Variants in PLD5 observed in about 807,000 individuals in gnomAD.
PLD5 encodes phospholipase D family member 5.
A neutral mutation model predicts 61.1 loss-of-function variants in PLD5; 36 were observed. The observed-to-expected ratio is 0.59, with a 90% CI of 0.45 to 0.78. The LOEUF (loss-of-function observed/expected upper bound fraction) is 0.78. Among genes scored for constraint, PLD5 ranks in the 30% least tolerant of loss-of-function variants. PLD5 has a pLI of 0.00. For missense variants in PLD5, 515 were observed against 644.4 expected, an observed-to-expected ratio of 0.80 and a Z score of 2.17; for synonymous variants, 243 against 242.8, an observed-to-expected ratio of 1.00 and a Z score of -0.01.
intron 1 of PLD5, among the ~76,000 whole-genome samples, chr1:242,480,635 A>G (rs1157224789): frequency 6.6e-6 from 1 of 152,216 alleles, no homozygotes; most frequent in Non-Finnish European, 1.5e-5. Flanking sequence ...ATGTAGAAAG[A>G]TCTCTTAATA....
intron 1 of PLD5, among the ~76,000 whole-genome samples, chr1:242,397,285 G>A (rs1572063686): frequency 6.6e-6 from 1 of 151,466 alleles, no homozygotes; most frequent in Non-Finnish European, 1.5e-5. Context: ...AGGCTTCTTG[G>A]TTGATGGCAA....
At chr1:242,125,424 C>T (rs1238744115) in intron 5 of PLD5, among the ~76,000 whole-genome samples, 1 of 152,034 alleles carries the variant, frequency 6.6e-6, no homozygotes, top group African/African-American at 2.4e-5. Context: ...ATACTAGCCC[C>T]AAGTTAGAGA....
chr1:242,107,544 G>C, intron 8 of PLD5, 127 bp downstream of exon 8: 1 of 894,318 alleles, frequency 1.1e-6, no homozygotes, highest in Non-Finnish European at 1.6e-6. Context: ...ATTACTTAAC[G>C]TGCTTTTTGA....
chr1:242,410,389 A>G (rs1322181823), intron 1 of PLD5, among the ~76,000 whole-genome samples: 1 of 139,488 alleles, frequency 7.2e-6, no homozygotes, highest in South Asian at 2.4e-4. Context: ...TTTCCAGAGT[A>G]TATTTCCTGT....
chr1:242,449,448 G>A (rs925840436), intron 1 of PLD5: 20 of 1,535,182 alleles, frequency 1.3e-5, no homozygotes, highest in Admixed American at 5.9e-5. Context: ...GCCTTCAGAG[G>A]CAGAGAATGT....
rs149637368 is a variant in PLD5, at chr1:242,219,933, G to C, written c.735+55C>G. 1,049 of 1,579,816 alleles carry C rather than the reference G, an allele frequency of 6.6e-4. 11 individuals carry two copies. The African/African-American group carries it at 0.012, about 18-fold the overall frequency. ...TATCTGCAGTAGCGTGCTTTATGAA[G>C]GTGGTCGCTTTGAGGGTGACAGAAC... On this transcript the variant is annotated intron_variant, in intron 5 of 9. Transcript: ENST00000536534.
intron 1 of PLD5, among the ~76,000 whole-genome samples, chr1:242,362,708 C>T (rs1412505214): frequency 1.3e-5 from 2 of 152,048 alleles, no homozygotes; most frequent in East Asian, 3.9e-4. Flanking sequence ...GGCTTAGGGG[C>T]ATTTCTCTAA....
chr1:242,257,119 T>C (rs1291523577), intron 4 of PLD5, among the ~76,000 whole-genome samples: 14 of 152,102 alleles, frequency 9.2e-5, no homozygotes, highest in Non-Finnish European at 1.5e-4. Flanking sequence ...CATCTAACTA[T>C]CTACCTACCT....
chr1:242,527,967 T>G (rs967556576), upstream of PLD5, among the ~76,000 whole-genome samples: 1 of 152,240 alleles, frequency 6.6e-6, no homozygotes, highest in African/African-American at 2.4e-5. Context: ...CATTCGCTTC[T>G]TGGGAGCTGG....
chr1:242,094,548 A>G (rs1660077902), intron 9 of PLD5, among the ~76,000 whole-genome samples: 1 of 151,850 alleles, frequency 6.6e-6, no homozygotes, highest in South Asian at 2.1e-4. Flanking sequence ...TATTTAAATT[A>G]TTGATGGATT....
At chr1:242,321,058 A>T (rs1309822564) in intron 2 of PLD5, among the ~76,000 whole-genome samples, 8 of 152,174 alleles carry the variant, frequency 5.3e-5, no homozygotes, top group Admixed American at 3.9e-4. Flanking sequence ...AGAAATAAAA[A>T]TATTTTACCC....
intron 3 of PLD5, among the ~76,000 whole-genome samples, chr1:242,285,785 T>A (rs1284546059): frequency 6.6e-6 from 1 of 151,784 alleles, no homozygotes; most frequent in East Asian, 1.9e-4. Context: ...TAAACTACAG[T>A]TTACAATAAT....
intron 1 of PLD5, among the ~76,000 whole-genome samples, chr1:242,481,408 T>C (rs944240147): frequency 6.6e-6 from 1 of 152,190 alleles, no homozygotes; most frequent in Non-Finnish European, 1.5e-5. Context: ...CACCAGGAGA[T>C]TGTATCCCGT....
intron 4 of PLD5, among the ~76,000 whole-genome samples, chr1:242,257,036 C>T (rs1190573529): frequency 1.5e-5 from 2 of 136,430 alleles, no homozygotes; most frequent in African/African-American, 5.6e-5. Context: ...TACCTACCTA[C>T]CTTCTATCTA....
chr1:242,395,105 G>A (rs370886442), intron 1 of PLD5, among the ~76,000 whole-genome samples: 1,848 of 118,782 alleles, frequency 0.016, 30 homozygotes, highest in African/African-American at 0.032. Flanking sequence ...ATATATGTAT[G>A]TATATGAATA....
intron 3 of PLD5, among the ~76,000 whole-genome samples, chr1:242,270,480 G>GT (rs1199128308): frequency 6.6e-6 from 1 of 152,190 alleles, no homozygotes; most frequent in Non-Finnish European, 1.5e-5. Flanking sequence ...ATGCAACACA[G>GT]TTCTCCCTGA....
At chr1:242,316,707 C>T (rs927756200) in intron 2 of PLD5, among the ~76,000 whole-genome samples, 1 of 152,118 alleles carries the variant, frequency 6.6e-6, no homozygotes, top group African/African-American at 2.4e-5. Context: ...ACTATTTCAT[C>T]ACCCAGGTAT....
At chr1:242,119,076 A>T (rs936745001) in intron 6 of PLD5, among the ~76,000 whole-genome samples, 1 of 152,176 alleles carries the variant, frequency 6.6e-6, no homozygotes, top group African/African-American at 2.4e-5. Flanking sequence ...TCAATATTCC[A>T]GCTCTGTGGC....
At chr1:242,235,923 T>C (rs552394648) in intron 4 of PLD5, 1 of 152,212 alleles carries the variant, frequency 6.6e-6, no homozygotes, top group African/African-American at 2.4e-5. Context: ...TTCATTTGCC[T>C]GGAAGAAAGT....
Sources: gnomAD v4.1 joint callset for allele counts (sites outside exome capture counted in the v4.1 genomes callset) on GRCh38, gnomAD v4.1.1 for gene constraint, MANE v1.5 for transcripts, NCBI Gene and HGNC (gene_info 2026-07-23, HGNC 2026-07-21) for gene names.